Variants in LOXL2 observed in about 807,000 individuals in gnomAD.
LOXL2 encodes lysyl oxidase like 2.
A neutral mutation model predicts 93.0 loss-of-function variants in LOXL2; 70 were observed. The observed-to-expected ratio is 0.75, with a 90% CI of 0.62 to 0.92. The LOEUF is 0.92. Among genes scored for constraint, LOXL2 ranks in the 40% least tolerant of loss-of-function variants. LOXL2 has a pLI of 0.00. For missense variants in LOXL2, 973 were observed against 1,054.9 expected, an observed-to-expected ratio of 0.92 and a Z score of 1.08; for synonymous variants, 438 against 413.2, an observed-to-expected ratio of 1.06 and a Z score of -0.73.
At chr8:23,310,038 CCTCAAGGTT>C in intron 9 of LOXL2, 127 bp from the exon 10 acceptor site, 1 of 1,022,048 alleles carries the variant, frequency 9.8e-7, no homozygotes, top group Non-Finnish European at 1.3e-6. Flanking sequence ...CTCAAGGGCT[CCTCAAGGTT>C]ACCTTCTTGT....
chr8:23,307,953 GAAAA>G (rs1554475672), intron 10 of LOXL2, among the ~76,000 whole-genome samples: 30 of 83,564 alleles, frequency 3.6e-4, no homozygotes, highest in East Asian at 3.2e-3. Context: ...GCTGCGATAT[GAAAA>G]AAAAAAAAAA....
At chr8:23,403,708 C>G (rs962961380) in intron 1 of LOXL2, among the ~76,000 whole-genome samples, 1 of 152,046 alleles carries the variant, frequency 6.6e-6, no homozygotes, top group Admixed American at 6.5e-5. Flanking sequence ...CCTCGCTCCC[C>G]GGGCGCGCCA....
intron 4 of LOXL2, among the ~76,000 whole-genome samples, chr8:23,339,612 G>C (rs191093904): frequency 8.5e-5 from 13 of 152,318 alleles, no homozygotes; most frequent in African/African-American, 2.9e-4. Flanking sequence ...GGCACTGGTA[G>C]GGCCAGCCAG....
At chr8:23,366,839 C>T (rs1460769569) in intron 2 of LOXL2, among the ~76,000 whole-genome samples, 1 of 152,182 alleles carries the variant, frequency 6.6e-6, no homozygotes, top group Non-Finnish European at 1.5e-5. Context: ...CAATTCCCTC[C>T]ACCCTTATCT....
chr8:23,369,373 C>T (rs1804463036), intron 1 of LOXL2, among the ~76,000 whole-genome samples: 1 of 152,168 alleles, frequency 6.6e-6, no homozygotes, highest in South Asian at 2.1e-4. Context: ...AAAAGGAGCA[C>T]ACGTGTGTCT....
chr8:23,318,276 C>T (rs866971941), intron 8 of LOXL2, among the ~76,000 whole-genome samples: 2 of 152,192 alleles, frequency 1.3e-5, no homozygotes, highest in Admixed American at 6.5e-5. Flanking sequence ...TGCTTCCAGC[C>T]GGCTGGTCTA....
chr8:23,358,097 T>C (rs767939753), intron 3 of LOXL2, among the ~76,000 whole-genome samples: 2 of 152,194 alleles, frequency 1.3e-5, no homozygotes, highest in African/African-American at 2.4e-5. Flanking sequence ...GGAATGAAGA[T>C]GGAAAATTTT....
intron 1 of LOXL2, among the ~76,000 whole-genome samples, chr8:23,384,735 G>A (rs1345524390): frequency 6.6e-6 from 1 of 152,118 alleles, no homozygotes; most frequent in African/African-American, 2.4e-5. Flanking sequence ...CCAATGTGGT[G>A]AAACCCCATT....
At chr8:23,328,302 C>T (rs892344708) in intron 6 of LOXL2, 80 bp downstream of exon 6, 145 of 1,488,374 alleles carry the variant, frequency 9.7e-5, no homozygotes, top group Admixed American at 6.9e-5. Flanking sequence ...TTCCCGAGAG[C>T]TCACGGCCAG....
chr8:23,360,760 C>CGATGAT (rs952068712), intron 2 of LOXL2, among the ~76,000 whole-genome samples: 1 of 152,102 alleles, frequency 6.6e-6, no homozygotes, highest in Non-Finnish European at 1.5e-5. Context: ...ATAATGATGA[C>CGATGAT]GATGATGATG....
rs1035476618 is a variant in LOXL2 at position 23,356,296 on chromosome 8, C to T, written c.531+3794G>A. 1.4e-4 allele frequency among the ~76,000 whole-genome samples: 21 copies of T among 152,330 alleles called. 1 individual carries two copies. The South Asian group carries it at 3.9e-3, about 29-fold the overall frequency. ...ATGTTCATGACTTCACCCAACTGCACGTCCACAAGCTATGTCTCTTCCTCT... is the reference window on the plus strand; with the variant it reads ...ATGTTCATGACTTCACCCAACTGCATGTCCACAAGCTATGTCTCTTCCTCT... On this transcript the variant is annotated intron_variant, in intron 3 of 13. Transcript: ENST00000389131.
chr8:23,328,246 G>T (rs1301393799), intron 6 of LOXL2, 136 bp downstream of exon 6: 5 of 860,686 alleles, frequency 5.8e-6, no homozygotes, highest in Non-Finnish European at 9.3e-6. Flanking sequence ...AGAGGCCTGG[G>T]ATTCTCTCCC....
chr8:23,314,170 T>G (rs930538988), intron 9 of LOXL2, among the ~76,000 whole-genome samples: 9 of 152,054 alleles, frequency 5.9e-5, no homozygotes, highest in African/African-American at 1.7e-4. Context: ...TGTAGAGAGA[T>G]AGGAACACTT....
At chr8:23,303,017 C>T (rs1803166145) in intron 11 of LOXL2, among the ~76,000 whole-genome samples, 1 of 152,124 alleles carries the variant, frequency 6.6e-6, no homozygotes, top group Admixed American at 6.5e-5. Flanking sequence ...GCAGGGTCCC[C>T]AGAGTCTGGA....
At chr8:23,340,326 C>G (rs1367065617) in intron 4 of LOXL2, among the ~76,000 whole-genome samples, 3 of 152,180 alleles carry the variant, frequency 2.0e-5, no homozygotes, top group Non-Finnish European at 4.4e-5. Flanking sequence ...CCATGACCAA[C>G]CAAGTATACC....
intron 1 of LOXL2, among the ~76,000 whole-genome samples, chr8:23,399,834 T>C (rs997655833): frequency 4.6e-5 from 7 of 152,174 alleles, no homozygotes; most frequent in Non-Finnish European, 1.0e-4. Flanking sequence ...TCTTCCTCCA[T>C]GGAGACAGCC....
chr8:23,349,388 C>T lies in LOXL2; in HGVS notation c.532-8185G>A, dbSNP rs559583965. 2.0e-4 allele frequency among the ~76,000 whole-genome samples: 31 copies of T among 152,262 alleles called. 1 individual carries two copies. In the South Asian group the frequency reaches 5.4e-3, roughly 27 times the overall value. On this transcript the variant is annotated intron_variant, in intron 3 of 13. Coordinates refer to ENST00000389131, the MANE Select transcript of LOXL2 (RefSeq NM_002318.3). ...TTCTATCTATCAGAATCCTGCCAAT[C>T]CTCAGGGAAAATGTTATTCATCCAT...
At chr8:23,321,521 C>G (rs1044068058) in intron 7 of LOXL2, among the ~76,000 whole-genome samples, 1 of 152,170 alleles carries the variant, frequency 6.6e-6, no homozygotes. Flanking sequence ...GGGGTCTGAC[C>G]TCACCAGTGA....
At chr8:23,302,457 G>A (rs1297328517) in intron 11 of LOXL2, among the ~76,000 whole-genome samples, 1 of 152,072 alleles carries the variant, frequency 6.6e-6, no homozygotes, top group Admixed American at 6.5e-5. Context: ...ATAACTGCGT[G>A]TGTGTGGACC....
Sources: allele counts gnomAD v4.1 joint callset (sites outside exome capture counted in the v4.1 genomes callset), GRCh38; gene constraint gnomAD v4.1.1; transcripts MANE v1.5; gene names NCBI Gene and HGNC (gene_info 2026-07-23, HGNC 2026-07-21).